The following EEFSEC variants were observed in gnomAD, a reference collection of about 807,000 sequenced individuals.
EEFSEC encodes eukaryotic elongation factor, selenocysteine-tRNA specific.
Under a neutral mutation model 42.1 loss-of-function variants are expected in EEFSEC, and 43 were observed. The observed-to-expected ratio is 1.02, with a 90% CI of 0.80 to 1.32. EEFSEC has a LOEUF of 1.32. Among genes scored for constraint, EEFSEC ranks in the 40% most tolerant of loss-of-function variants. EEFSEC has a pLI of 0.00. For missense variants in EEFSEC, 745 were observed against 803.6 expected (o/e 0.93, Z 0.88); for synonymous variants, 354 against 339.1 (o/e 1.04, Z -0.48).
At chr3:128,279,202 C>T (rs1272125865) in intron 4 of EEFSEC, among the ~76,000 whole-genome samples, 1 of 152,170 alleles carries the variant, frequency 6.6e-6, no homozygotes, top group Admixed American at 6.5e-5. Context: ...GCCCTTACTG[C>T]GGGCAGGGGT....
At chr3:128,246,211 G>A (rs2066124863) in intron 1 of EEFSEC, among the ~76,000 whole-genome samples, 1 of 140,942 alleles carries the variant, frequency 7.1e-6, no homozygotes, top group Non-Finnish European at 1.5e-5. Context: ...ACAGTAGGAT[G>A]ATGCTCACAA....
the EEFSEC span, among the ~76,000 whole-genome samples, chr3:128,424,756 T>C: frequency 6.6e-6 from 1 of 152,090 alleles, no homozygotes; most frequent in Non-Finnish European, 1.5e-5. Context: ...GTGAACCCCA[T>C]GTGTCCATAC....
chr3:128,270,887 A>G (rs550393012), intron 4 of EEFSEC, among the ~76,000 whole-genome samples: 1 of 152,012 alleles, frequency 6.6e-6, no homozygotes, highest in East Asian at 1.9e-4. Context: ...TGCTGCTTGT[A>G]TTTGTCTTTG....
At chr3:128,162,676 A>T (rs1267543353) in intron 1 of EEFSEC, among the ~76,000 whole-genome samples, 2 of 152,212 alleles carry the variant, frequency 1.3e-5, no homozygotes, top group Non-Finnish European at 2.9e-5. Flanking sequence ...AGGTAGTCAT[A>T]TTTCATTCTG....
At chr3:128,215,698 C>T (rs2065804002) in intron 1 of EEFSEC, among the ~76,000 whole-genome samples, 1 of 152,176 alleles carries the variant, frequency 6.6e-6, no homozygotes. Context: ...TAGCTTTAAG[C>T]ACAGCTGGAT....
intron 2 of EEFSEC, among the ~76,000 whole-genome samples, chr3:128,252,045 T>C (rs942891295): frequency 2.6e-5 from 4 of 152,214 alleles, no homozygotes; most frequent in African/African-American, 9.6e-5. Flanking sequence ...GGCTTTTCTG[T>C]TTATTTTTCC....
chr3:128,304,810 C>T (rs567488249), intron 4 of EEFSEC, among the ~76,000 whole-genome samples: 7 of 152,018 alleles, frequency 4.6e-5, no homozygotes, highest in African/African-American at 1.4e-4. Flanking sequence ...CTCAGATGAT[C>T]CTCCCACCTC....
rs761447043 is a variant in EEFSEC at position 128,341,669 on chromosome 3, G to T, written c.1223G>T (p.Arg408Leu). 4 of 1,614,092 alleles carry T rather than the reference G, an allele frequency of 2.5e-6. No individual in the cohort carries two copies. In the Admixed American group the frequency reaches 6.7e-5, roughly 27 times the overall value. ...CAGGCCACAGAGGGCCATTGTCCTCGGCAGCAGTGGGCCCTGGTGGAGTTT... is the reference window on the plus strand; with the variant it reads ...CAGGCCACAGAGGGCCATTGTCCTCTGCAGCAGTGGGCCCTGGTGGAGTTT... The part of the protein sequence containing the change: ...AGQATEGHCP[R>L]QQWALVEFEK... Residue 408 changes from arginine (R) to leucine (L), a missense_variant, in exon 5 of 7, where the codon CGG becomes CTG. Transcript: ENST00000254730.
At chr3:128,396,430 C>A (rs2067982168) in intron 6 of EEFSEC, among the ~76,000 whole-genome samples, 1 of 152,134 alleles carries the variant, frequency 6.6e-6, no homozygotes, top group South Asian at 2.1e-4. Context: ...ATAATGTACC[C>A]TCCTCACATG....
chr3:128,175,482 G>A (rs765377599), intron 1 of EEFSEC, among the ~76,000 whole-genome samples: 1 of 152,154 alleles, frequency 6.6e-6, no homozygotes, highest in Non-Finnish European at 1.5e-5. Context: ...GAAGACGAGC[G>A]TAGGTGGAAA....
chr3:128,421,653 A>G, the EEFSEC span, among the ~76,000 whole-genome samples: 2 of 152,072 alleles, frequency 1.3e-5, no homozygotes, highest in African/African-American at 4.8e-5. Context: ...GCACAGAGGG[A>G]GGAGGAAGAG....
intron 6 of EEFSEC, among the ~76,000 whole-genome samples, chr3:128,390,326 G>A (rs868498653): frequency 6.6e-6 from 1 of 152,234 alleles, no homozygotes; most frequent in East Asian, 1.9e-4. Flanking sequence ...GGGAGAGCTG[G>A]CTGTGAGATG....
chr3:128,315,754 G>C (rs1265428200), intron 4 of EEFSEC, among the ~76,000 whole-genome samples: 1 of 152,168 alleles, frequency 6.6e-6, no homozygotes, highest in Non-Finnish European at 1.5e-5. Context: ...CCTTGGCAGG[G>C]TTTATAAGGA....
At chr3:128,362,351 A>G in intron 6 of EEFSEC, 1 of 464,072 alleles carries the variant, frequency 2.2e-6, no homozygotes, top group South Asian at 1.6e-5. Flanking sequence ...AGCTGAATAG[A>G]CTTGTTCCTA....
chr3:128,301,019 G>T (rs2066761649), intron 4 of EEFSEC, among the ~76,000 whole-genome samples: 1 of 151,872 alleles, frequency 6.6e-6, no homozygotes, highest in South Asian at 2.1e-4. Context: ...AGTTAAATAG[G>T]GATAAATGTA....
intron 1 of EEFSEC, among the ~76,000 whole-genome samples, chr3:128,242,365 A>G (rs2066081159): frequency 6.6e-6 from 1 of 152,220 alleles, no homozygotes; most frequent in Non-Finnish European, 1.5e-5. Context: ...GCACACATTT[A>G]CCTACATAAC....
Position 128,341,490 on chromosome 3 carries a change from G to A in EEFSEC, c.1044G>A (p.Leu348=). 2.5e-6 allele frequency: 4 copies of A among 1,614,170 alleles called. No individual in the cohort carries two copies. The highest frequency in any genetic ancestry group is 3.4e-6 in the Non-Finnish European group (4 of 1,180,046). The change falls in exon 5 of 7, where the codon TTG becomes TTA. Residue 348 remains leucine (L), a synonymous_variant. Coordinates refer to ENST00000254730, the MANE Select transcript of EEFSEC (RefSeq NM_021937.5). ...GCCATGAAACAGTCATGGGCCGGTT[G>A]ATGTTCTTCAGTCCTGCTCCAGATA... ...TVGHETVMGR[L]MFFSPAPDNF...
intron 4 of EEFSEC, among the ~76,000 whole-genome samples, chr3:128,331,393 C>T (rs1227721093): frequency 9.5e-6 from 1 of 104,754 alleles, no homozygotes; most frequent in Non-Finnish European, 1.9e-5. Flanking sequence ...CATCTCTCAT[C>T]TTCCCCCCTT....
chr3:128,212,145 G>A (rs1224338987), intron 1 of EEFSEC, among the ~76,000 whole-genome samples: 2 of 152,208 alleles, frequency 1.3e-5, no homozygotes, highest in Non-Finnish European at 2.9e-5. Flanking sequence ...ACAGGCGTGA[G>A]CCACTGCGCC....
Sources: gnomAD v4.1 joint callset for allele counts (sites outside exome capture counted in the v4.1 genomes callset) on GRCh38, gnomAD v4.1.1 for gene constraint, MANE v1.5 for transcripts, NCBI Gene and HGNC (gene_info 2026-07-23, HGNC 2026-07-21) for gene names.